The following NEDD4 variants were observed in gnomAD, a reference collection of about 807,000 sequenced individuals.
NEDD4 encodes the protein E3 ubiquitin-protein ligase NEDD4.
A neutral mutation model predicts 144.9 loss-of-function variants in NEDD4; 99 were observed. The ratio of observed to expected loss-of-function variants is 0.68; its 90% CI spans 0.58 to 0.81. NEDD4 has a LOEUF of 0.81. NEDD4 is among the 30% of genes least tolerant of loss of function. The pLI is 0.00. For missense variants in NEDD4, 985 were observed against 1,065.9 expected (o/e 0.92, Z 1.06); for synonymous variants, 318 against 350.6 (o/e 0.91, Z 1.04).
chr15:55,917,190 T>G (rs1279350044), intron 5 of NEDD4: 1 of 1,003,002 alleles, frequency 1.0e-6, no homozygotes, highest in African/African-American at 1.8e-5. Flanking sequence ...TTTGCATGAA[T>G]GAGTAACACA....
At chr15:55,966,736 T>C (rs1156691692) in intron 1 of NEDD4, among the ~76,000 whole-genome samples, 190 bp from the exon 2 acceptor site, 8 of 152,228 alleles carry the variant, frequency 5.3e-5, no homozygotes, top group Admixed American at 4.6e-4. Flanking sequence ...CCTGATTATT[T>C]ACAAAGATAA....
intron 18 of NEDD4, among the ~76,000 whole-genome samples, chr15:55,845,087 C>T (rs1284552045): frequency 6.6e-6 from 1 of 152,150 alleles, no homozygotes; most frequent in African/African-American, 2.4e-5. Flanking sequence ...ACTGCTTGGG[C>T]CTTTTTACTA....
chr15:55,852,690 A>C, intron 12 of NEDD4, 147 bp from the exon 13 acceptor site: 1 of 182,158 alleles, frequency 5.5e-6, no homozygotes, highest in Non-Finnish European at 1.1e-5. Flanking sequence ...CTTTTCTAGA[A>C]ATATATATAT....
chr15:55,910,204 C>G (rs2036227640), intron 5 of NEDD4, among the ~76,000 whole-genome samples: 1 of 152,172 alleles, frequency 6.6e-6, no homozygotes, highest in Admixed American at 6.5e-5. Context: ...CCTATGCTAT[C>G]TCATGCTTAT....
At chr15:55,981,714 A>T (rs558484868) in intron 1 of NEDD4, among the ~76,000 whole-genome samples, 36 of 152,304 alleles carry the variant, frequency 2.4e-4, no homozygotes, top group African/African-American at 8.7e-4. Context: ...TATGAACATC[A>T]CATGGAAATT....
chr15:55,853,530 G>A (rs772730140), intron 12 of NEDD4, among the ~76,000 whole-genome samples: 2 of 152,324 alleles, frequency 1.3e-5, no homozygotes, highest in South Asian at 4.2e-4. Context: ...AAGGAATGGA[G>A]CTGAGATTTG....
intron 2 of NEDD4, among the ~76,000 whole-genome samples, chr15:55,963,371 C>T (rs1476835629): frequency 6.6e-6 from 1 of 151,944 alleles, no homozygotes; most frequent in Non-Finnish European, 1.5e-5. Flanking sequence ...GGCTCAAGTT[C>T]CTGGCTTTTT....
At chr15:55,899,063 C>A (rs1342039967) in intron 5 of NEDD4, among the ~76,000 whole-genome samples, 1 of 152,226 alleles carries the variant, frequency 6.6e-6, no homozygotes, top group Non-Finnish European at 1.5e-5. Context: ...AAGATTTCTT[C>A]TCAGTACAAT....
At position 55,830,844 on chromosome 15, in the gene NEDD4, T is replaced by G. The variant is rs2032915272; in HGVS notation, c.2528-258A>C. Among the ~76,000 whole-genome samples, 3 of 152,128 alleles carry G rather than the reference T, an allele frequency of 2.0e-5. No individual in the cohort carries two copies. The South Asian group carries it at 6.2e-4, about 32-fold the overall frequency. ...TCTCCTGAGTAGCCAGGACTACAGG[T>G]GTGCACCACCACGCCTGGCTAACTG... On this transcript the variant is annotated intron_variant, in intron 27 of 28. Coordinates refer to ENST00000435532, the MANE Select transcript of NEDD4 (RefSeq NM_006154.4).
chr15:55,848,641 C>T (rs1028503661), intron 15 of NEDD4, 66 bp from the exon 16 acceptor site: 29 of 1,420,034 alleles, frequency 2.0e-5, no homozygotes, highest in Non-Finnish European at 2.7e-5. Context: ...AGAAAAATAG[C>T]ACTGGTTGTA....
At chr15:55,855,104 A>C (rs1432872342) in intron 12 of NEDD4, among the ~76,000 whole-genome samples, 1 of 152,114 alleles carries the variant, frequency 6.6e-6, no homozygotes, top group Non-Finnish European at 1.5e-5. Context: ...GTCAGTACTG[A>C]CCAGAGCAAT....
chr15:55,830,072 G>C, intron 28 of NEDD4, 73 bp from the exon 29 acceptor site: 1 of 1,013,170 alleles, frequency 9.9e-7, no homozygotes, highest in East Asian at 2.4e-5. Flanking sequence ...ACAGAGCAAT[G>C]CTGCTATTCT....
intron 4 of NEDD4, among the ~76,000 whole-genome samples, chr15:55,943,640 T>C (rs1276492837): frequency 2.0e-5 from 3 of 152,160 alleles, no homozygotes; most frequent in African/African-American, 7.2e-5. Context: ...AATGTGTCGA[T>C]ATCCACACAG....
chr15:55,838,215 T>C (rs1369074670), intron 22 of NEDD4, 35 bp from the exon 23 acceptor site: 1 of 1,445,500 alleles, frequency 6.9e-7, no homozygotes, highest in Non-Finnish European at 9.5e-7. Flanking sequence ...TATGTTATTT[T>C]AGCGAGAAAA....
chr15:55,974,033 C>G (rs1225595658), intron 1 of NEDD4, among the ~76,000 whole-genome samples: 1 of 152,000 alleles, frequency 6.6e-6, no homozygotes, highest in African/African-American at 2.4e-5. Flanking sequence ...AAAACTTTAA[C>G]TAGACTAAGG....
intron 1 of NEDD4, among the ~76,000 whole-genome samples, chr15:55,967,380 C>T (rs1024572677): frequency 1.8e-4 from 27 of 151,554 alleles, no homozygotes; most frequent in African/African-American, 6.5e-4. Flanking sequence ...AATAAAGTAT[C>T]ATAAAGCTTG....
chr15:55,993,439 C>A, intron 1 of NEDD4, 72 bp downstream of exon 1: 1 of 1,554,982 alleles, frequency 6.4e-7, no homozygotes, highest in East Asian at 2.5e-5. Context: ...TGGCCGCCGC[C>A]GCTACCTCCC....
chr15:55,985,179 A>C (rs1489604050), intron 1 of NEDD4, among the ~76,000 whole-genome samples: 2 of 152,154 alleles, frequency 1.3e-5, no homozygotes, highest in Non-Finnish European at 2.9e-5. Context: ...CAAAGATTCT[A>C]CTCCTATGTG....
At chr15:55,850,407 T>G (rs1440583311) in intron 14 of NEDD4, 135 bp downstream of exon 14, 1 of 799,796 alleles carries the variant, frequency 1.3e-6, no homozygotes, top group Non-Finnish European at 2.0e-6. Context: ...ATAATATTAT[T>G]AAGAATTCAA....
Sources: gnomAD v4.1 joint callset for allele counts (sites outside exome capture counted in the v4.1 genomes callset) on GRCh38, gnomAD v4.1.1 for gene constraint, MANE v1.5 for transcripts, NCBI Gene and HGNC (gene_info 2026-07-23, HGNC 2026-07-21) for gene names.